The following PLEKHG1 variants were observed in gnomAD, a reference collection of about 807,000 sequenced individuals.
PLEKHG1 encodes the protein pleckstrin homology domain-containing family G member 1.
PLEKHG1 carries 44 observed loss-of-function variants against 100.8 expected under a neutral mutation model. The observed-to-expected ratio is 0.44, with a 90% CI of 0.34 to 0.56. PLEKHG1 has a LOEUF of 0.56. Ranked by LOEUF, PLEKHG1 falls within the 20% of genes least tolerant of loss-of-function variation. The pLI is 0.01. For synonymous variants in PLEKHG1, 640 were observed against 662.5 expected, an observed-to-expected ratio of 0.97 and a Z score of 0.52; for missense variants, 1,545 against 1,720.9, an observed-to-expected ratio of 0.90 and a Z score of 1.81.
At chr6:150,829,810 C>T (rs1268396002) in intron 14 of PLEKHG1, among the ~76,000 whole-genome samples, 1 of 151,910 alleles carries the variant, frequency 6.6e-6, no homozygotes, top group Non-Finnish European at 1.5e-5. Context: ...TAATGCTGGC[C>T]ATGTTCGTGG....
intron 4 of PLEKHG1, among the ~76,000 whole-genome samples, chr6:150,795,337 A>G (rs1428033532): frequency 6.6e-6 from 1 of 150,424 alleles, no homozygotes; most frequent in Non-Finnish European, 1.5e-5. Context: ...CAGAGGCTAC[A>G]GTGAGCAGAG....
chr6:150,811,635 TAA>T (rs55740953), intron 10 of PLEKHG1, among the ~76,000 whole-genome samples: 37,350 of 139,278 alleles, frequency 0.27, 4,928 homozygotes, highest in Middle Eastern at 0.37. Flanking sequence ...AGACCTGCAT[TAA>T]AAAAAAAAAA....
rs972405438 is a variant in PLEKHG1, at chr6:150,831,887, G to C, written c.2776G>C (p.Gly926Arg). 1.2e-6 allele frequency: 2 copies of C among 1,614,014 alleles called. No individual in the cohort carries two copies. Among genetic ancestry groups the C allele is most frequent in the Middle Eastern group, 1.6e-4 (1 of 6,062 alleles). Reference sequence around the variant, plus strand: ...TGAGGAAGACCTGATTTCTAAAGAAGGCTCCTTTATGAGCCTTAACCGGCT... The same window carrying C: ...TGAGGAAGACCTGATTTCTAAAGAACGCTCCTTTATGAGCCTTAACCGGCT... The change falls in exon 15 of 16, where the codon GGC becomes CGC. Residue 926 changes from glycine to arginine, a missense_variant. Physicochemically the swap from Gly to Arg is moderately radical, Grantham distance 125. Coordinates refer to ENST00000358517, the Ensembl canonical transcript of PLEKHG1. This position sits in a 1 kb window ranked among gnomAD's most constrained non-coding sequence, Gnocchi z 4.1.
At chr6:150,699,471 G>C (rs1780680236) in intron 3 of PLEKHG1, among the ~76,000 whole-genome samples, 1 of 152,178 alleles carries the variant, frequency 6.6e-6, no homozygotes, top group Non-Finnish European at 1.5e-5. Flanking sequence ...CCTTGCTAAT[G>C]GGGAAGAGAC....
At chr6:150,658,960 G>A (rs1779077135) in intron 3 of PLEKHG1, among the ~76,000 whole-genome samples, 1 of 152,112 alleles carries the variant, frequency 6.6e-6, no homozygotes, top group African/African-American at 2.4e-5. Flanking sequence ...TTACAGATTA[G>A]GAGCCTGAAG....
chr6:150,830,652 C>T (rs754552607), exon 15 of PLEKHG1: 1 of 1,613,740 alleles, frequency 6.2e-7, no homozygotes, highest in Non-Finnish European at 8.5e-7. Context: ...AATAGTCAGC[C>T]TAGCAGTTCT....
chr6:150,778,402 A>G (rs555005526), intron 3 of PLEKHG1, among the ~76,000 whole-genome samples: 23 of 152,264 alleles, frequency 1.5e-4, no homozygotes, highest in African/African-American at 5.3e-4. Context: ...TGTTGGTATT[A>G]TAGGCATGAG....
At chr6:150,668,353 A>G (rs1779479067) in intron 3 of PLEKHG1, among the ~76,000 whole-genome samples, 1 of 152,214 alleles carries the variant, frequency 6.6e-6, no homozygotes, top group South Asian at 2.1e-4. Flanking sequence ...CCTGTAGTCC[A>G]GTTCCAAAAA....
intron 2 of PLEKHG1, among the ~76,000 whole-genome samples, chr6:150,641,601 T>C (rs541314819): frequency 6.6e-4 from 101 of 152,314 alleles, no homozygotes; most frequent in Admixed American, 2.0e-3. Flanking sequence ...AAATGGTCCA[T>C]GTTAGCAAAA....
intron 1 of PLEKHG1, among the ~76,000 whole-genome samples, chr6:150,628,674 T>A (rs995108996): frequency 5.3e-5 from 8 of 152,066 alleles, no homozygotes; most frequent in Non-Finnish European, 1.2e-4. Flanking sequence ...TTTAGTTAAA[T>A]GGAGTTGGTT....
intron 7 of PLEKHG1, among the ~76,000 whole-genome samples, chr6:150,806,853 G>T (rs143338433): frequency 0.049 from 6,678 of 134,972 alleles, 240 homozygotes; most frequent in African/African-American, 0.11. Context: ...AAAAAAAAAT[G>T]AAATGAAAAA....
chr6:150,721,059 G>C (rs918537693), upstream of PLEKHG1: 4 of 707,454 alleles, frequency 5.7e-6, no homozygotes, highest in African/African-American at 1.9e-5. Flanking sequence ...TTTGTGTGTT[G>C]GGTTTGGGAG....
intron 1 of PLEKHG1, among the ~76,000 whole-genome samples, chr6:150,725,499 AT>A (rs1361663841): frequency 6.6e-6 from 1 of 152,212 alleles, no homozygotes; most frequent in East Asian, 1.9e-4. Flanking sequence ...TTTGCAAAAT[AT>A]CTTTTCTCAT....
At chr6:150,685,279 C>T (rs1780079114) in intron 3 of PLEKHG1, among the ~76,000 whole-genome samples, 1 of 152,112 alleles carries the variant, frequency 6.6e-6, no homozygotes, top group Non-Finnish European at 1.5e-5. Flanking sequence ...GTTTTATTGA[C>T]TCTGGGTGTG....
At chr6:150,682,368 A>G (rs1270394776) in intron 3 of PLEKHG1, among the ~76,000 whole-genome samples, 2 of 152,196 alleles carry the variant, frequency 1.3e-5, no homozygotes, top group East Asian at 1.9e-4. Context: ...CCAATGGCCC[A>G]CACCCACAGT....
At chr6:150,661,234 T>A (rs1446231836) in intron 3 of PLEKHG1, among the ~76,000 whole-genome samples, 1 of 152,186 alleles carries the variant, frequency 6.6e-6, no homozygotes, top group African/African-American at 2.4e-5. Context: ...AACATTAGAA[T>A]CCACCAAAAT....
At chr6:150,757,208 G>A (rs1783893500) in intron 2 of PLEKHG1, among the ~76,000 whole-genome samples, 1 of 152,084 alleles carries the variant, frequency 6.6e-6, no homozygotes, top group African/African-American at 2.4e-5. Context: ...TACCATGTTG[G>A]TCAGGCTGGT....
At chr6:150,740,117 A>G (rs1782771757) in intron 2 of PLEKHG1, among the ~76,000 whole-genome samples, 1 of 152,254 alleles carries the variant, frequency 6.6e-6, no homozygotes, top group Non-Finnish European at 1.5e-5. Context: ...ATTTCAGCAC[A>G]TACTCTGCCT....
At chr6:150,770,998 G>A (rs1470358405) in intron 3 of PLEKHG1, among the ~76,000 whole-genome samples, 2 of 152,180 alleles carry the variant, frequency 1.3e-5, no homozygotes, top group African/African-American at 4.8e-5. Flanking sequence ...CAGGCATTCA[G>A]CCACGTGCCC....
Sources: gnomAD v4.1 joint callset for allele counts (sites outside exome capture counted in the v4.1 genomes callset) on GRCh38, gnomAD v4.1.1 for gene constraint, Gnocchi (gnomAD v3.1) non-coding constraint, MANE v1.5 for transcripts, NCBI Gene and HGNC (gene_info 2026-07-23, HGNC 2026-07-21) for gene names.